Variants in IQGAP2 observed in about 807,000 individuals in gnomAD.
The protein encoded by IQGAP2 is ras GTPase-activating-like protein IQGAP2.
A neutral mutation model predicts 201.3 loss-of-function variants in IQGAP2; 173 were observed. The observed-to-expected ratio is 0.86, with a 90% CI of 0.76 to 0.98. The LOEUF is 0.98. IQGAP2 is among the 50% of genes least tolerant of loss of function. IQGAP2 has a pLI of 0.00. For synonymous variants in IQGAP2, 675 were observed against 673.9 expected (o/e 1.00, Z -0.03); for missense variants, 1,687 against 1,864.8 (o/e 0.90, Z 1.76).
chr5:76,582,832 A>G (rs542687872), intron 5 of IQGAP2, among the ~76,000 whole-genome samples: 229 of 152,328 alleles, frequency 1.5e-3, no homozygotes, highest in African/African-American at 5.2e-3. Context: ...TATACACTAA[A>G]TGGTATTTTT....
At chr5:76,640,357 C>T (rs1009514445) in intron 16 of IQGAP2, among the ~76,000 whole-genome samples, 9 of 152,152 alleles carry the variant, frequency 5.9e-5, no homozygotes, top group Admixed American at 3.3e-4. Flanking sequence ...TTTCTTATAA[C>T]CCCCTTCTTC....
At chr5:76,430,962 A>G (rs1280424065) in intron 1 of IQGAP2, among the ~76,000 whole-genome samples, 2 of 152,212 alleles carry the variant, frequency 1.3e-5, no homozygotes, top group Non-Finnish European at 2.9e-5. Flanking sequence ...TTTAAAAAGA[A>G]TGAGGTAGCT....
chr5:76,683,678 C>A, intron 29 of IQGAP2, 98 bp from the exon 30 acceptor site: 1 of 1,153,806 alleles, frequency 8.7e-7, no homozygotes. Context: ...CATTTAATTA[C>A]CAAGCCTATC....
chr5:76,608,378 G>A (rs749442693), intron 12 of IQGAP2, among the ~76,000 whole-genome samples: 1 of 152,118 alleles, frequency 6.6e-6, no homozygotes, highest in Non-Finnish European at 1.5e-5. Flanking sequence ...CTGTGTCTTG[G>A]TTTTATTTTT....
intron 2 of IQGAP2, among the ~76,000 whole-genome samples, chr5:76,541,149 A>G (rs1041290784): frequency 6.6e-5 from 10 of 152,138 alleles, no homozygotes; most frequent in African/African-American, 2.4e-4. Flanking sequence ...TTATCTTGCA[A>G]AGCTGAAACT....
At chr5:76,700,548 C>T (rs985982060) in intron 33 of IQGAP2, among the ~76,000 whole-genome samples, 9 of 152,074 alleles carry the variant, frequency 5.9e-5, no homozygotes, top group Non-Finnish European at 1.0e-4. Flanking sequence ...GAGTACCAGA[C>T]TCACAAGTAT....
intron 1 of IQGAP2, among the ~76,000 whole-genome samples, chr5:76,440,556 G>A (rs1488338636): frequency 6.6e-6 from 1 of 152,250 alleles, no homozygotes; most frequent in East Asian, 1.9e-4. Flanking sequence ...GTGATCTCTT[G>A]ACTTACAAAT....
intron 21 of IQGAP2, among the ~76,000 whole-genome samples, chr5:76,663,596 G>A (rs1175251408): frequency 6.6e-6 from 1 of 151,966 alleles, no homozygotes; most frequent in African/African-American, 2.4e-5. Flanking sequence ...TGAGAGAGAG[G>A]GTGTATGTGT....
chr5:76,677,107 T>C, intron 27 of IQGAP2, 111 bp from the exon 28 acceptor site: 1 of 1,055,594 alleles, frequency 9.5e-7, no homozygotes, highest in African/African-American at 1.6e-5. Flanking sequence ...CTCTCAAGGT[T>C]TGAGATGGGA....
chr5:76,546,253 T>C (rs937372435), intron 2 of IQGAP2, among the ~76,000 whole-genome samples: 4 of 152,134 alleles, frequency 2.6e-5, no homozygotes, highest in African/African-American at 9.7e-5. Context: ...CTAGCCAACG[T>C]GGTGAAACCC....
In IQGAP2 at chr5:76,432,932, C is replaced by T. The variant is rs531612440; in HGVS notation, c.47-28638C>T. ...TTTTAGGTATTTATTTCCCCTGCTC[C>T]CTCCTTCCCTCAGCTTCCTCACATT... On this transcript the variant is annotated intron_variant, in intron 1 of 35. Transcript: ENST00000274364. Among the ~76,000 whole-genome samples, 3 of 152,286 alleles carry T rather than the reference C, an allele frequency of 2.0e-5. No homozygotes were observed. The East Asian group carries it at 5.8e-4, about 29-fold the overall frequency.
chr5:76,603,210 G>T (rs1747552422), intron 11 of IQGAP2, among the ~76,000 whole-genome samples: 1 of 152,086 alleles, frequency 6.6e-6, no homozygotes, highest in African/African-American at 2.4e-5. Context: ...CAGGAACTTG[G>T]TGCCTTTACC....
chr5:76,462,787 C>T (rs1203497410), intron 2 of IQGAP2, among the ~76,000 whole-genome samples: 2 of 152,094 alleles, frequency 1.3e-5, no homozygotes, highest in East Asian at 3.8e-4. Flanking sequence ...AGGGGTTTCT[C>T]AGAGTTGTTT....
chr5:76,437,116 A>T lies in IQGAP2; in HGVS notation c.47-24454A>T, dbSNP rs192870416. On this transcript the variant is annotated intron_variant, in intron 1 of 35. Transcript: ENST00000274364. ...ACCCAGGCTGGAGTGCAATGGCGCA[A>T]TCTCGACTCACTGCAACCTCTGCCT... Among the ~76,000 whole-genome samples the T allele has an allele frequency of 1.1e-4, 17 of 152,042 alleles. No homozygotes were observed. In the East Asian group the frequency reaches 3.3e-3, roughly 29 times the overall value.
Position 76,671,933 on chromosome 5 carries a change from G to T in IQGAP2, c.3018G>T (p.Glu1006Asp), listed in dbSNP as rs201177978. 3 of 1,614,112 alleles carry T rather than the reference G, an allele frequency of 1.9e-6. No individual in the cohort carries two copies. Among genetic ancestry groups the T allele is most frequent in the Admixed American group, 3.3e-5 (2 of 60,018 alleles). Residue 1006 changes from glutamate (E) to aspartate (D), a missense_variant, in exon 24 of 36, where the codon GAG becomes GAT. By Grantham distance (45) the Glu-to-Asp change is conservative (BLOSUM62 2). Transcript: ENST00000274364. ...TGATTATCAACACAAACCCTGTAGA[G>T]GTGTACAAGGCTTGGGTGAACCAAC... ...KSLIINTNPVEVYKAWVNQLE... is the reference protein window; with the variant it reads ...KSLIINTNPVDVYKAWVNQLE...
intron 21 of IQGAP2, 53 bp from the exon 22 acceptor site, chr5:76,664,973 G>A (rs1743616436): frequency 3.0e-6 from 3 of 984,804 alleles, no homozygotes. Flanking sequence ...GTGAAGGGAG[G>A]AGATAAAGAG....
chr5:76,552,279 G>A (rs1743613395), intron 2 of IQGAP2, among the ~76,000 whole-genome samples: 1 of 152,170 alleles, frequency 6.6e-6, no homozygotes, highest in Admixed American at 6.5e-5. Context: ...CTTCTGTTGA[G>A]ATGGCCAATT....
At chr5:76,617,536 CAG>C (rs769307910) in intron 13 of IQGAP2, 8 of 1,469,768 alleles carry the variant, frequency 5.4e-6, no homozygotes, top group African/African-American at 2.8e-5. Flanking sequence ...TTCTTGAAAA[CAG>C]ACGTTCTCTG....
At chr5:76,579,240 T>C (rs1745674085) in intron 5 of IQGAP2, among the ~76,000 whole-genome samples, 1 of 152,140 alleles carries the variant, frequency 6.6e-6, no homozygotes, top group Non-Finnish European at 1.5e-5. Flanking sequence ...CCTTGGCTAT[T>C]ATATTATTTT....
Sources: allele counts gnomAD v4.1 joint callset (sites outside exome capture counted in the v4.1 genomes callset), GRCh38; gene constraint gnomAD v4.1.1; transcripts MANE v1.5; gene names NCBI Gene and HGNC (gene_info 2026-07-23, HGNC 2026-07-21).